Variants in LIMS4 observed in about 807,000 individuals in gnomAD.
The protein encoded by LIMS4 is LIM zinc finger domain containing 4, also known as LIM and senescent cell antigen-like-containing domain protein 4.
the LIMS4 span, among the ~76,000 whole-genome samples, chr2:110,368,986 C>T: frequency 2.6e-4 from 29 of 112,630 alleles, no homozygotes; most frequent in East Asian, 6.0e-3. Flanking sequence ...CCAAGCACAG[C>T]GACCCACCAG....
the LIMS4 span, among the ~76,000 whole-genome samples, chr2:110,368,781 G>C: frequency 1.5e-5 from 2 of 134,810 alleles, no homozygotes; most frequent in Non-Finnish European, 3.1e-5. Context: ...AATATAACCT[G>C]CACATACGGT....
the LIMS4 span, among the ~76,000 whole-genome samples, chr2:110,366,625 G>C: frequency 0.051 from 7,568 of 149,026 alleles, 87 homozygotes; most frequent in African/African-American, 0.14. Context: ...CCCTTGAGAA[G>C]TGGAACAAGA....
At chr2:110,385,115 G>A in the LIMS4 span, among the ~76,000 whole-genome samples, 1 of 134,854 alleles carries the variant, frequency 7.4e-6, no homozygotes. Flanking sequence ...GCTGGTCCTC[G>A]GGACCCTCAC....
At chr2:110,392,292 A>G in the LIMS4 span, among the ~76,000 whole-genome samples, 2 of 151,116 alleles carry the variant, frequency 1.3e-5, no homozygotes, top group East Asian at 3.9e-4. Context: ...CAAAAAAATT[A>G]GCCAGGCGCG....
the LIMS4 span, among the ~76,000 whole-genome samples, chr2:110,373,757 C>A: frequency 3.3e-4 from 49 of 149,574 alleles, no homozygotes; most frequent in South Asian, 9.6e-3. Flanking sequence ...CTGGTTCAGG[C>A]CCCGACTGGC....
At chr2:110,365,215 C>A in the LIMS4 span, among the ~76,000 whole-genome samples, 1 of 147,172 alleles carries the variant, frequency 6.8e-6, no homozygotes, top group Non-Finnish European at 1.5e-5. Context: ...ATTCCCCACC[C>A]CAAAACAACA....
the LIMS4 span, chr2:110,386,781 G>A: frequency 7.9e-5 from 56 of 709,866 alleles, no homozygotes; most frequent in African/African-American, 8.1e-4. Flanking sequence ...GGCGAGCACA[G>A]CGGCAGCACC....
the LIMS4 span, among the ~76,000 whole-genome samples, chr2:110,407,702 G>A: frequency 1.6e-5 from 2 of 128,754 alleles, no homozygotes; most frequent in African/African-American, 3.0e-5. Flanking sequence ...GAGCCCAGGA[G>A]TTCAAGGCTG....
chr2:110,382,890 T>C, the LIMS4 span: 8 of 154,968 alleles, frequency 5.2e-5, no homozygotes, highest in Admixed American at 5.4e-4. Flanking sequence ...TAGTTTCTTC[T>C]GGAGTGATGA....
At chr2:110,360,507 CCTAGA>C in the LIMS4 span, 1 of 440,778 alleles carries the variant, frequency 2.3e-6, no homozygotes, top group East Asian at 4.2e-5. Flanking sequence ...ATTGCAACAG[CCTAGA>C]CAGTATTGTT....
the LIMS4 span, among the ~76,000 whole-genome samples, chr2:110,411,533 G>A: frequency 2.2e-5 from 3 of 137,264 alleles, 1 homozygote; most frequent in African/African-American, 6.7e-5. Flanking sequence ...CATCCTTACA[G>A]TCCCAGTGAG....
the LIMS4 span, chr2:110,359,137 A>G: frequency 6.0e-5 from 9 of 150,950 alleles, no homozygotes; most frequent in African/African-American, 2.2e-4. Context: ...TTTTTTTCAA[A>G]TGTCCCACGT....
the LIMS4 span, among the ~76,000 whole-genome samples, chr2:110,409,505 TAA>T: frequency 3.1e-5 from 1 of 32,646 alleles, no homozygotes; most frequent in African/African-American, 1.1e-4. Flanking sequence ...TCCCTGTTGT[TAA>T]GTGACGCATT....
chr2:110,390,282 G>C, the LIMS4 span, among the ~76,000 whole-genome samples: 1 of 142,738 alleles, frequency 7.0e-6, no homozygotes, highest in South Asian at 2.2e-4. Flanking sequence ...ACGCATCCTG[G>C]ACAAGGGCAA....
At chr2:110,411,086 A>C in the LIMS4 span, among the ~76,000 whole-genome samples, 1 of 23,508 alleles carries the variant, frequency 4.3e-5, no homozygotes, top group Non-Finnish European at 8.3e-5. Context: ...CTCTAATTTT[A>C]GTAGAGACAG....
At chr2:110,411,393 C>A in the LIMS4 span, among the ~76,000 whole-genome samples, 1 of 139,610 alleles carries the variant, frequency 7.2e-6, no homozygotes, top group Non-Finnish European at 1.5e-5. Flanking sequence ...AATGAACACA[C>A]ACCAACTTTA....
the LIMS4 span, chr2:110,386,799 C>T: frequency 1.0e-4 from 68 of 681,518 alleles, no homozygotes; most frequent in East Asian, 1.4e-3. Flanking sequence ...ACCATAGTGG[C>T]GGCCAGCAGG....
At chr2:110,370,777 G>GT in the LIMS4 span, among the ~76,000 whole-genome samples, 1 of 89,126 alleles carries the variant, frequency 1.1e-5, no homozygotes, top group African/African-American at 6.0e-5. Flanking sequence ...CCTTAGATAG[G>GT]TTTTTTCTTT....
At chr2:110,360,614 C>T in the LIMS4 span, 10 of 1,230,594 alleles carry the variant, frequency 8.1e-6, no homozygotes, top group Non-Finnish European at 1.0e-5. Context: ...GGCTATTTCT[C>T]GTCTGAGCTC....
Sources: gnomAD v4.1 joint callset for allele counts (sites outside exome capture counted in the v4.1 genomes callset) on GRCh38, gnomAD v4.1.1 for gene constraint, MANE v1.5 for transcripts, NCBI Gene and HGNC (gene_info 2026-07-23, HGNC 2026-07-21) for gene names.